Variants in NRXN1 observed in about 807,000 individuals in gnomAD.
NRXN1 encodes neurexin 1.
Under a neutral mutation model 150.9 loss-of-function variants are expected in NRXN1, and 39 were observed. The ratio of observed to expected loss-of-function variants is 0.26; its 90% CI spans 0.20 to 0.34. The LOEUF (loss-of-function observed/expected upper bound fraction) is 0.34, where lower values mean the gene tolerates loss of function less well. NRXN1 is among the 10% of genes least tolerant of loss of function. The pLI, the probability that NRXN1 is intolerant of heterozygous loss-of-function variation, is 1.00. For synonymous variants in NRXN1, 924 were observed against 757.0 expected (o/e 1.22, Z -3.62); for missense variants, 1,815 against 1,949.9 (o/e 0.93, Z 1.30).
chr2:50,422,399 C>G (rs891581369), intron 17 of NRXN1, among the ~76,000 whole-genome samples: 2 of 151,954 alleles, frequency 1.3e-5, no homozygotes, highest in Non-Finnish European at 2.9e-5. Context: ...GAAAGACAAC[C>G]ATGAAAATAA....
At chr2:50,710,855 T>C (rs1230358739) in intron 5 of NRXN1, among the ~76,000 whole-genome samples, 1 of 152,200 alleles carries the variant, frequency 6.6e-6, no homozygotes, top group Non-Finnish European at 1.5e-5. Flanking sequence ...TTTTTTGATA[T>C]GCCAAATTCA....
At chr2:49,923,187 A>G (rs1189580308) in intron 22 of NRXN1, among the ~76,000 whole-genome samples, 1 of 152,134 alleles carries the variant, frequency 6.6e-6, no homozygotes, top group Non-Finnish European at 1.5e-5. Context: ...TGGACCTGAG[A>G]TTTAATTGGT....
intron 18 of NRXN1, among the ~76,000 whole-genome samples, chr2:50,153,582 C>A (rs1057026448): frequency 1.3e-5 from 2 of 151,686 alleles, no homozygotes; most frequent in African/African-American, 4.8e-5. Flanking sequence ...TTGAGGTCTT[C>A]TCAAGTTTAT....
intron 18 of NRXN1, among the ~76,000 whole-genome samples, chr2:50,156,493 C>T (rs1010990028): frequency 1.3e-5 from 2 of 151,826 alleles, no homozygotes; most frequent in African/African-American, 2.4e-5. Flanking sequence ...TTTTATCTTA[C>T]GGGTTACCTC....
At chr2:50,636,195 TA>T (rs1449230217) in intron 5 of NRXN1, among the ~76,000 whole-genome samples, 1 of 152,224 alleles carries the variant, frequency 6.6e-6, no homozygotes, top group Non-Finnish European at 1.5e-5. Context: ...TTTATTCTTT[TA>T]AACAAGTTTG....
chr2:50,291,898 T>C (rs1262067748), intron 17 of NRXN1, among the ~76,000 whole-genome samples: 2 of 152,152 alleles, frequency 1.3e-5, no homozygotes, highest in East Asian at 3.9e-4. Context: ...AAGGTTCTAA[T>C]GCACAGCAGT....
chr2:50,377,103 A>T (rs1425965018), intron 17 of NRXN1, among the ~76,000 whole-genome samples: 1 of 152,088 alleles, frequency 6.6e-6, no homozygotes, highest in Non-Finnish European at 1.5e-5. Flanking sequence ...TTAAAAAATT[A>T]ATTTAAGATC....
chr2:50,787,435 G>T (rs1298959210), intron 5 of NRXN1, among the ~76,000 whole-genome samples: 1 of 151,766 alleles, frequency 6.6e-6, no homozygotes, highest in Admixed American at 6.6e-5. Flanking sequence ...GTTGGCGGGC[G>T]CCTGTAATCC....
intron 5 of NRXN1, among the ~76,000 whole-genome samples, chr2:50,671,439 T>G (rs1030985451): frequency 6.6e-6 from 1 of 151,714 alleles, no homozygotes; most frequent in African/African-American, 2.4e-5. Flanking sequence ...TACTTCTTGA[T>G]TTATTTTATA....
intron 17 of NRXN1, among the ~76,000 whole-genome samples, chr2:50,278,794 G>A (rs1490399496): frequency 6.6e-6 from 1 of 152,086 alleles, no homozygotes; most frequent in Non-Finnish European, 1.5e-5. Flanking sequence ...ATAAGCAACA[G>A]CTCGAAGACT....
chr2:50,105,190 G>T (rs911195964), intron 18 of NRXN1: 5 of 151,998 alleles, frequency 3.3e-5, no homozygotes, highest in Non-Finnish European at 7.4e-5. Flanking sequence ...ATTTTAGGAG[G>T]TTTGTATACT....
At chr2:50,790,135 CCACACACACA>C (rs61580117) in intron 5 of NRXN1, among the ~76,000 whole-genome samples, 2 of 146,854 alleles carry the variant, frequency 1.4e-5, no homozygotes, top group Non-Finnish European at 3.0e-5. Context: ...TTCCCTCCCA[CCACACACACA>C]CACACACACA....
intron 8 of NRXN1, among the ~76,000 whole-genome samples, chr2:50,583,860 T>A (rs138009161): frequency 6.6e-6 from 1 of 152,174 alleles, no homozygotes; most frequent in African/African-American, 2.4e-5. Context: ...AATATTAACA[T>A]AAAATTATTA....
chr2:50,768,889 C>T (rs995616569), intron 5 of NRXN1, among the ~76,000 whole-genome samples: 5 of 151,482 alleles, frequency 3.3e-5, no homozygotes, highest in Non-Finnish European at 5.9e-5. Flanking sequence ...GCAGTGACAA[C>T]CACCACGAAC....
chr2:50,012,226 A>G (rs1165689840), intron 21 of NRXN1, among the ~76,000 whole-genome samples: 1 of 152,142 alleles, frequency 6.6e-6, no homozygotes, highest in African/African-American at 2.4e-5. Flanking sequence ...ATGAATTACT[A>G]GAAGAATAAG....
chr2:50,085,239 T>C (rs1304737495), intron 19 of NRXN1, among the ~76,000 whole-genome samples: 1 of 152,186 alleles, frequency 6.6e-6, no homozygotes, highest in East Asian at 1.9e-4. Flanking sequence ...ACCTAGAAGT[T>C]TAAGGAGGGA....
At chr2:50,932,945 C>T (rs2104409504) in intron 2 of NRXN1, among the ~76,000 whole-genome samples, 1 of 151,922 alleles carries the variant, frequency 6.6e-6, no homozygotes, top group African/African-American at 2.4e-5. Flanking sequence ...GTCTAAGAAA[C>T]TTTAATACTG....
intron 22 of NRXN1, among the ~76,000 whole-genome samples, chr2:49,941,031 G>C (rs766498693): frequency 6.6e-6 from 1 of 151,942 alleles, no homozygotes; most frequent in Non-Finnish European, 1.5e-5. Flanking sequence ...ATCAGTAGCT[G>C]GTGTGTTTTG....
intron 19 of NRXN1, among the ~76,000 whole-genome samples, chr2:50,068,795 A>C (rs1037744612): frequency 3.3e-5 from 5 of 152,190 alleles, no homozygotes; most frequent in African/African-American, 1.2e-4. Context: ...CTGATCATAG[A>C]AAGTTGAAGT....
Sources: gnomAD v4.1 joint callset for allele counts (sites outside exome capture counted in the v4.1 genomes callset) on GRCh38, gnomAD v4.1.1 for gene constraint, MANE v1.5 for transcripts, NCBI Gene and HGNC (gene_info 2026-07-23, HGNC 2026-07-21) for gene names.